Variants in GK observed in about 807,000 individuals in gnomAD.
GK encodes the protein ATP:glycerol 3-phosphotransferase.
A neutral mutation model predicts 56.4 loss-of-function variants in GK; 9 were observed. The observed-to-expected ratio is 0.16, with a 90% CI of 0.10 to 0.28. The LOEUF (loss-of-function observed/expected upper bound fraction) is 0.28, where lower values mean the gene tolerates loss of function less well. Ranked by LOEUF, GK falls within the 10% of genes least tolerant of loss-of-function variation. GK has a pLI of 1.00. For missense variants in GK, 161 were observed against 431.4 expected (o/e 0.37, Z 5.55); for synonymous variants, 104 against 144.1 (o/e 0.72, Z 1.99).
In GK at chrX:30,668,214, C is replaced by T. The variant is rs770790621; in HGVS notation, c.259+96C>T. Reference sequence around the variant, plus strand: ...CTTATAATTGAGTGCCTATGCAGTGCCAAGCATTTCTATGAGAACTTGAGG... The same window carrying T: ...CTTATAATTGAGTGCCTATGCAGTGTCAAGCATTTCTATGAGAACTTGAGG... On this transcript the variant is annotated intron_variant, in intron 3 of 20. Transcript: ENST00000427190. 16 of 544,189 alleles carry T rather than the reference C, an allele frequency of 2.9e-5. No individual in the cohort carries two copies. In the South Asian group the frequency reaches 4.3e-4, roughly 15 times the overall value. 44.8% of individuals were successfully genotyped at this position (544,189 alleles called of 1,213,427 possible).
At chrX:30,706,436 G>A (rs1936010573) in intron 11 of GK, among the ~76,000 whole-genome samples, 1 of 111,915 alleles carries the variant, frequency 8.9e-6, no homozygotes, top group Admixed American at 9.5e-5. Flanking sequence ...CACCAGCACA[G>A]TTAGAACCCT....
At chrX:30,702,199 C>T (rs751632773) in intron 11 of GK, among the ~76,000 whole-genome samples, 113 of 110,736 alleles carry the variant, frequency 1.0e-3, no homozygotes, top group African/African-American at 9.5e-4. Flanking sequence ...TGCGCCACCA[C>T]GCCCAGCTAA....
intron 19 of GK, chrX:30,724,518 C>T (rs1307387012): frequency 1.6e-5 from 4 of 248,626 alleles, no homozygotes; most frequent in Non-Finnish European, 2.9e-5. Context: ...TTCCCCTCTC[C>T]TCTTACTTTA....
At chrX:30,660,840 GTC>G (rs1932705680) in intron 1 of GK, among the ~76,000 whole-genome samples, 2 of 93,441 alleles carry the variant, frequency 2.1e-5, no homozygotes, top group Middle Eastern at 5.8e-3. Flanking sequence ...CCGAGACGGA[GTC>G]TCGCTCTGTT....
At chrX:30,699,175 T>A (rs1433062379) in intron 9 of GK, among the ~76,000 whole-genome samples, 4 of 100,702 alleles carry the variant, frequency 4.0e-5, no homozygotes, top group African/African-American at 1.4e-4. Flanking sequence ...TTCAGGGATT[T>A]TATATATATA....
At chrX:30,662,573 A>C (rs985125252) in intron 1 of GK, among the ~76,000 whole-genome samples, 1 of 111,931 alleles carries the variant, frequency 8.9e-6, no homozygotes, top group Non-Finnish European at 1.9e-5. Flanking sequence ...TGCCCTAGTT[A>C]AAACTAGGAG....
At chrX:30,721,116 T>G (rs1936876126) in intron 18 of GK, 121 bp downstream of exon 18, 1 of 702,509 alleles carries the variant, frequency 1.4e-6, no homozygotes, top group South Asian at 2.3e-5. Context: ...ATGTTATCAT[T>G]GCAGATTCGG....
chrX:30,663,101 T>C (rs1395533823), intron 1 of GK, among the ~76,000 whole-genome samples: 1 of 109,879 alleles, frequency 9.1e-6, no homozygotes, highest in African/African-American at 3.3e-5. Context: ...CAGGGTGGTC[T>C]CAAACTCCAG....
intron 5 of GK, among the ~76,000 whole-genome samples, chrX:30,691,563 C>T (rs1245596459): frequency 9.8e-6 from 1 of 101,567 alleles, no homozygotes; most frequent in Non-Finnish European, 2.0e-5. Context: ...GCCTCTGCCT[C>T]CTGGGTTCAA....
intron 1 of GK, among the ~76,000 whole-genome samples, chrX:30,660,617 T>C (rs1378702084): frequency 2.7e-5 from 3 of 110,355 alleles, no homozygotes; most frequent in Admixed American, 9.8e-5. Flanking sequence ...CTTTTACAAA[T>C]GAAAAACATA....
intron 11 of GK, among the ~76,000 whole-genome samples, chrX:30,703,651 T>A (rs1347106469): frequency 9.0e-6 from 1 of 111,615 alleles, no homozygotes; most frequent in Non-Finnish European, 1.9e-5. Flanking sequence ...AAATGTGGAA[T>A]AAGTTCAGTA....
At chrX:30,690,932 C>G (rs1934896582) in intron 4 of GK, among the ~76,000 whole-genome samples, 191 bp from the exon 5 acceptor site, 1 of 111,703 alleles carries the variant, frequency 9.0e-6, no homozygotes, top group South Asian at 3.7e-4. Flanking sequence ...GCTTTAAATC[C>G]TCTCATAAAT....
At chrX:30,707,704 A>C (rs1936091263) in intron 12 of GK, 106 bp downstream of exon 12, 1 of 504,852 alleles carries the variant, frequency 2.0e-6, no homozygotes, top group Non-Finnish European at 3.4e-6. Flanking sequence ...CTTTTACTTA[A>C]TCTTTATCAG....
chrX:30,696,923 C>G (rs967896791), intron 8 of GK: 1 of 371,178 alleles, frequency 2.7e-6, no homozygotes, highest in African/African-American at 2.5e-5. Flanking sequence ...ATGGGATACT[C>G]TAACTTTAGA....
In GK at chrX:30,700,861, A is replaced by G. The variant is rs1935616199; in HGVS notation, c.807A>G (p.Ala269=). The change falls in exon 11 of 21, where the codon GCA becomes GCG. Residue 269 remains alanine (A), a synonymous_variant. Transcript: ENST00000427190. ...ISGCLGDQSA[A]LVGQMCFQIG... ...AGTGTTTAGGGGACCAGTCTGCTGC[A>G]TTGGTGGGACAAATGTGCTTCCAGA... 2 of 1,196,271 alleles carry G rather than the reference A, an allele frequency of 1.7e-6. No homozygotes were observed. Among genetic ancestry groups the G allele is most frequent in the Non-Finnish European group, 2.3e-6 (2 of 882,616 alleles).
chrX:30,684,432 C>T lies in GK; in HGVS notation c.338-6691C>T, dbSNP rs747473247. Among the ~76,000 whole-genome samples, 24 of 110,118 alleles carry T rather than the reference C, an allele frequency of 2.2e-4. No homozygotes were observed. The East Asian group carries it at 6.3e-3, about 29-fold the overall frequency. ...TATAATCCCAACACTTTGGGAGGCCCAGGTGGGCGGATCACCTGAGGTCGG... is the reference window on the plus strand; with the variant it reads ...TATAATCCCAACACTTTGGGAGGCCTAGGTGGGCGGATCACCTGAGGTCGG... On this transcript the variant is annotated intron_variant, in intron 4 of 20. Coordinates refer to ENST00000427190, the MANE Select transcript of GK (RefSeq NM_001205019.2).
intron 18 of GK, chrX:30,723,602 C>A: frequency 6.7e-6 from 1 of 149,393 alleles, no homozygotes; most frequent in Non-Finnish European, 1.3e-5. Flanking sequence ...TGAATTTCCC[C>A]TATCCTGTTT....
intron 20 of GK, 133 bp from the exon 21 acceptor site, chrX:30,728,599 T>C: frequency 1.8e-6 from 1 of 553,321 alleles, no homozygotes; most frequent in South Asian, 2.5e-5. Flanking sequence ...TTGTTGCATT[T>C]TAATTGTGAG....
intron 1 of GK, among the ~76,000 whole-genome samples, chrX:30,659,808 G>T (rs1266297013): frequency 1.8e-5 from 2 of 112,284 alleles, no homozygotes; most frequent in African/African-American, 6.5e-5. Flanking sequence ...GAGTGCAGTG[G>T]TGTGATCTCA....
Sources: gnomAD v4.1 joint callset for allele counts (sites outside exome capture counted in the v4.1 genomes callset) on GRCh38, gnomAD v4.1.1 for gene constraint, MANE v1.5 for transcripts, NCBI Gene and HGNC (gene_info 2026-07-23, HGNC 2026-07-21) for gene names.